The following SIL1 variants were observed in gnomAD, a reference collection of about 807,000 sequenced individuals.
SIL1 encodes the protein nucleotide exchange factor SIL1.
SIL1 carries 40 observed loss-of-function variants against 49.1 expected under a neutral mutation model. The observed-to-expected ratio is 0.81, with a 90% CI of 0.63 to 1.06. The LOEUF (loss-of-function observed/expected upper bound fraction) is 1.06, where lower values mean the gene tolerates loss of function less well. Among genes scored for constraint, SIL1 ranks in the 50% least tolerant of loss-of-function variants. The probability of loss-of-function intolerance (pLI) is 0.00; values close to 1 mark genes in which losing one functional copy is unlikely to be tolerated. For synonymous variants in SIL1, 253 were observed against 250.8 expected (o/e 1.01, Z -0.08); for missense variants, 500 against 572.6 (o/e 0.87, Z 1.29).
At chr5:139,147,221 G>A (rs1286890006) in intron 1 of SIL1, among the ~76,000 whole-genome samples, 1 of 152,030 alleles carries the variant, frequency 6.6e-6, no homozygotes, top group Non-Finnish European at 1.5e-5. Flanking sequence ...TTTTCCCAAG[G>A]GGTTTCCAAC....
At chr5:139,190,304 C>G (rs1752144606) in intron 1 of SIL1, among the ~76,000 whole-genome samples, 1 of 152,190 alleles carries the variant, frequency 6.6e-6, no homozygotes, top group Non-Finnish European at 1.5e-5. Flanking sequence ...CTATTTGTTT[C>G]TAACACGGAG....
chr5:139,147,372 C>T lies in SIL1; in HGVS notation c.-10-19519G>A, dbSNP rs139281023. On this transcript the variant is annotated intron_variant, in intron 1 of 9. Coordinates refer to ENST00000394817, the MANE Select transcript of SIL1 (RefSeq NM_022464.5). Reference sequence around the variant, plus strand: ...ACAGATCAGTGCCTGCCTTCACCAACAGGATACAGCCCTGGTATCACAGCA... The same window carrying T: ...ACAGATCAGTGCCTGCCTTCACCAATAGGATACAGCCCTGGTATCACAGCA... Among the ~76,000 whole-genome samples, 7 of 152,330 alleles carry T rather than the reference C, an allele frequency of 4.6e-5. No homozygotes were observed. In the East Asian group the frequency reaches 1.4e-3, roughly 29 times the overall value.
intron 3 of SIL1, among the ~76,000 whole-genome samples, chr5:139,114,326 C>G (rs1770940006): frequency 6.6e-6 from 1 of 152,198 alleles, no homozygotes; most frequent in Non-Finnish European, 1.5e-5. Flanking sequence ...AGTGAAGAGA[C>G]CTCCCTACAT....
At chr5:139,030,556 G>C (rs1363124955) in intron 5 of SIL1, among the ~76,000 whole-genome samples, 1 of 149,858 alleles carries the variant, frequency 6.7e-6, no homozygotes, top group African/African-American at 2.5e-5. Flanking sequence ...GAGGTGGGAG[G>C]ATCACTTGAG....
intron 7 of SIL1, chr5:139,013,926 G>A (rs1768340296): frequency 6.6e-6 from 1 of 152,092 alleles, no homozygotes; most frequent in African/African-American, 2.4e-5. Flanking sequence ...AATTTTTGGT[G>A]ACTTCAATTT....
intron 1 of SIL1, among the ~76,000 whole-genome samples, chr5:139,144,264 C>T (rs1391765478): frequency 6.6e-6 from 1 of 151,970 alleles, no homozygotes; most frequent in Non-Finnish European, 1.5e-5. Context: ...CTCAAGGCTG[C>T]AGTGGGCTAT....
chr5:138,988,873 C>T (rs917182129), intron 7 of SIL1, among the ~76,000 whole-genome samples: 22 of 152,176 alleles, frequency 1.4e-4, no homozygotes, highest in African/African-American at 5.3e-4. Flanking sequence ...CGTATCTCTA[C>T]CAAATAAGCA....
At chr5:138,975,571 C>A (rs2150395474) in intron 7 of SIL1, among the ~76,000 whole-genome samples, 1 of 152,274 alleles carries the variant, frequency 6.6e-6, no homozygotes, top group East Asian at 1.9e-4. Flanking sequence ...ACCGGCGATC[C>A]CCACCAGCGA....
chr5:139,068,655 G>GAAAAAAAAAAAAA (rs745799045), intron 3 of SIL1, among the ~76,000 whole-genome samples: 1 of 64,808 alleles, frequency 1.5e-5, no homozygotes. Flanking sequence ...GAATGAAAAG[G>GAAAAAAAAAAAAA]AAAAAAAAAA....
rs77662687 is a variant in SIL1, at chr5:139,139,319, G to A, written c.-10-11466C>T. Reference sequence around the variant, plus strand: ...AGATACCACGGTCAGGGTTCGAGGGGAGGAGAGATCAGAATTCATCTTTCC... The same window carrying A: ...AGATACCACGGTCAGGGTTCGAGGGAAGGAGAGATCAGAATTCATCTTTCC... On this transcript the variant is annotated intron_variant, in intron 1 of 9. Transcript: ENST00000394817. Among the ~76,000 whole-genome samples the A allele has an allele frequency of 8.2e-3, 1,254 of 152,334 alleles. 13 individuals carry two copies. Among genetic ancestry groups the A allele is most frequent in the African/African-American group, 0.028 (1,145 of 41,580 alleles).
intron 3 of SIL1, among the ~76,000 whole-genome samples, chr5:139,058,970 ATG>A (rs61070788): frequency 8.6e-5 from 13 of 150,290 alleles, no homozygotes; most frequent in African/African-American, 2.2e-4. Flanking sequence ...AGAAATGTGT[ATG>A]TGTGTGTGTG....
intron 1 of SIL1, among the ~76,000 whole-genome samples, chr5:139,179,225 C>A (rs559004776): frequency 3.3e-5 from 5 of 152,302 alleles, no homozygotes; most frequent in African/African-American, 1.2e-4. Context: ...ACAACCAGGA[C>A]CCCCTGAAAG....
chr5:139,044,337 C>G (rs1421780557), intron 4 of SIL1, among the ~76,000 whole-genome samples: 1 of 152,124 alleles, frequency 6.6e-6, no homozygotes, highest in African/African-American at 2.4e-5. Context: ...AGCTTGAACA[C>G]ATTATCTCCT....
intron 7 of SIL1, among the ~76,000 whole-genome samples, chr5:139,006,693 C>T (rs1338275357): frequency 6.7e-6 from 1 of 149,454 alleles, no homozygotes; most frequent in Non-Finnish European, 1.5e-5. Context: ...GCCAGTTTTC[C>T]CAGCACCATT....
intron 4 of SIL1, among the ~76,000 whole-genome samples, chr5:139,047,931 C>A (rs1366786733): frequency 1.3e-5 from 2 of 152,214 alleles, no homozygotes. Context: ...ACAAATATTT[C>A]TCCCTTATGG....
chr5:139,170,186 T>A (rs1015001316), intron 1 of SIL1, among the ~76,000 whole-genome samples: 14 of 152,316 alleles, frequency 9.2e-5, no homozygotes, highest in African/African-American at 3.1e-4. Flanking sequence ...GTGCCCAGGC[T>A]GGAGTGCAGT....
intron 3 of SIL1, among the ~76,000 whole-genome samples, chr5:139,062,165 A>T (rs538955752): frequency 2.0e-4 from 31 of 152,280 alleles, no homozygotes; most frequent in East Asian, 1.3e-3. Context: ...AATAACGTGC[A>T]CAAACCTCTC....
At chr5:139,047,351 T>C (rs1461337917) in intron 4 of SIL1, among the ~76,000 whole-genome samples, 1 of 152,226 alleles carries the variant, frequency 6.6e-6, no homozygotes, top group African/African-American at 2.4e-5. Context: ...AAAGGAACTC[T>C]CTGAGACAAG....
intron 1 of SIL1, among the ~76,000 whole-genome samples, chr5:139,133,117 A>T (rs1208501872): frequency 1.3e-5 from 2 of 152,124 alleles, no homozygotes; most frequent in Non-Finnish European, 2.9e-5. Flanking sequence ...GGACAGACCT[A>T]CATCTTTACA....
Sources: gnomAD v4.1 joint callset for allele counts (sites outside exome capture counted in the v4.1 genomes callset) on GRCh38, gnomAD v4.1.1 for gene constraint, MANE v1.5 for transcripts, NCBI Gene and HGNC (gene_info 2026-07-23, HGNC 2026-07-21) for gene names.